SMARCA2: variants seen among roughly 807,000 people sequenced by gnomAD.
SMARCA2 encodes the protein SWI/SNF related BAF chromatin remodeling complex subunit ATPase 2.
Under a neutral mutation model 199.8 loss-of-function variants are expected in SMARCA2, and 61 were observed. The ratio of observed to expected loss-of-function variants is 0.31; its 90% confidence interval spans 0.25 to 0.38. The LOEUF (loss-of-function observed/expected upper bound fraction) is 0.38, where lower values mean the gene tolerates loss of function less well. Among genes scored for constraint, SMARCA2 ranks in the 10% least tolerant of loss-of-function variants. The probability of loss-of-function intolerance (pLI) is 1.00; values close to 1 mark genes in which losing one functional copy is unlikely to be tolerated. For missense variants in SMARCA2, 1,344 were observed against 2,012.2 expected (o/e 0.67, Z 6.35); for synonymous variants, 935 against 732.0 (o/e 1.28, Z -4.48).
At chr9:2,051,692 A>G (rs776223922) in intron 5 of SMARCA2, among the ~76,000 whole-genome samples, 2 of 152,256 alleles carry the variant, frequency 1.3e-5, no homozygotes. Flanking sequence ...CAAATAAGAA[A>G]GATCTGCAAG....
chr9:2,152,797 A>C (rs1273585916), intron 27 of SMARCA2, among the ~76,000 whole-genome samples: 1 of 152,078 alleles, frequency 6.6e-6, no homozygotes, highest in East Asian at 1.9e-4. Flanking sequence ...GGTTTCAGTG[A>C]GCCAAGATCA....
At chr9:2,133,127 C>G (rs1286605352) in intron 27 of SMARCA2, among the ~76,000 whole-genome samples, 2 of 152,284 alleles carry the variant, frequency 1.3e-5, no homozygotes, top group African/African-American at 2.4e-5. Flanking sequence ...CCATGGGAAA[C>G]TGAATTTGGC....
chr9:2,031,093 T>C (rs1349299825), intron 2 of SMARCA2, among the ~76,000 whole-genome samples: 2 of 152,212 alleles, frequency 1.3e-5, no homozygotes, highest in Non-Finnish European at 2.9e-5. Flanking sequence ...TTGGTGTTTT[T>C]TTTTGGTTAC....
chr9:2,074,472 T>C (rs189425865), intron 12 of SMARCA2, among the ~76,000 whole-genome samples: 2 of 152,192 alleles, frequency 1.3e-5, no homozygotes, highest in African/African-American at 4.8e-5. Context: ...TTCCTTCTAT[T>C]TGTGGACCTG....
intron 24 of SMARCA2, among the ~76,000 whole-genome samples, chr9:2,114,730 T>C: frequency 6.6e-6 from 1 of 152,324 alleles, no homozygotes; most frequent in Admixed American, 6.5e-5. Context: ...TTTTTTCTTA[T>C]TATTAATATA....
intron 28 of SMARCA2, among the ~76,000 whole-genome samples, chr9:2,163,724 T>A (rs1825802842): frequency 6.6e-6 from 1 of 152,182 alleles, no homozygotes; most frequent in African/African-American, 2.4e-5. Flanking sequence ...CATTACTTGC[T>A]GAGTGAGTCA....
rs542493209 is a variant in SMARCA2 at position 2,175,869 on chromosome 9, GTTTT to G, written c.4253+5402_4253+5405del. Among the ~76,000 whole-genome samples the G allele has an allele frequency of 3.4e-3, 513 of 150,242 alleles. 2 individuals carry two copies. Among genetic ancestry groups the G allele is most frequent in the African/African-American group, 0.012 (491 of 40,946 alleles). On this transcript the variant is annotated intron_variant, in intron 29 of 33. Coordinates refer to ENST00000349721, the MANE Select transcript of SMARCA2 (RefSeq NM_003070.5). ...AATTTGATATCCTCTGTTTTTTTGG[GTTTT>G]TTTTGTTTGTTTGTTTGTTTTTTGA...
At chr9:2,163,254 C>T (rs1461419232) in intron 28 of SMARCA2, among the ~76,000 whole-genome samples, 1 of 152,174 alleles carries the variant, frequency 6.6e-6, no homozygotes, top group African/African-American at 2.4e-5. Context: ...CCAGGTCTCT[C>T]AGATTTTGTG....
At chr9:2,137,405 G>T (rs577123861) in intron 27 of SMARCA2, among the ~76,000 whole-genome samples, 1 of 152,242 alleles carries the variant, frequency 6.6e-6, no homozygotes, top group South Asian at 2.1e-4. Context: ...CCAGGCCTTT[G>T]CCTGGTGCTG....
intron 8 of SMARCA2, among the ~76,000 whole-genome samples, chr9:2,059,489 A>G (rs146534795): frequency 3.5e-4 from 54 of 152,304 alleles, no homozygotes; most frequent in African/African-American, 1.2e-3. Flanking sequence ...TAGTAATTTG[A>G]TCACTAAGCA....
intron 26 of SMARCA2, among the ~76,000 whole-genome samples, chr9:2,122,979 G>C (rs1027299693): frequency 6.6e-6 from 1 of 152,204 alleles, no homozygotes; most frequent in Non-Finnish European, 1.5e-5. Context: ...TAGGCATTTT[G>C]AAGGCTCTGA....
At position 2,116,710 on chromosome 9, in the gene SMARCA2, C is replaced by T. The variant is rs972350529; in HGVS notation, c.3684+661C>T. On this transcript the variant is annotated intron_variant, in intron 25 of 33. Transcript: ENST00000349721. The stretch of plus-strand genomic sequence containing the variant: ...TGTCATTTGTATTATTTTTAGATTG[C>T]CAACGTTAGTAATTTTATAAATATT... 1.1e-4 allele frequency among the ~76,000 whole-genome samples: 16 copies of T among 152,056 alleles called. 1 individual carries two copies. Among genetic ancestry groups the T allele is most frequent in the Admixed American group, 9.2e-4 (14 of 15,262 alleles).
At chr9:2,109,695 CA>C (rs1186839239) in intron 23 of SMARCA2, among the ~76,000 whole-genome samples, 47 of 147,716 alleles carry the variant, frequency 3.2e-4, no homozygotes, top group African/African-American at 8.7e-4. Flanking sequence ...ATTCCATTTG[CA>C]AAAAAAAAAT....
chr9:2,070,367 T>G (rs1821036168), intron 9 of SMARCA2, 51 bp from the exon 10 acceptor site: 1 of 1,485,792 alleles, frequency 6.7e-7, no homozygotes, highest in Admixed American at 1.7e-5. Context: ...CAGGAAGTCC[T>G]GTACCCCATC....
At chr9:2,174,921 T>G (rs374518417) in intron 29 of SMARCA2, among the ~76,000 whole-genome samples, 1 of 47,220 alleles carries the variant, frequency 2.1e-5, no homozygotes, top group African/African-American at 1.2e-4. Flanking sequence ...TGAGACCCTC[T>G]CTCAAAAAAA....
chr9:2,053,850 C>T (rs1166466284), intron 5 of SMARCA2, among the ~76,000 whole-genome samples: 1 of 152,172 alleles, frequency 6.6e-6, no homozygotes, highest in East Asian at 1.9e-4. Context: ...TTATTTTCTA[C>T]TCTGCCTTTA....
At chr9:2,174,191 G>A (rs1429749679) in intron 29 of SMARCA2, among the ~76,000 whole-genome samples, 1 of 152,040 alleles carries the variant, frequency 6.6e-6, no homozygotes, top group African/African-American at 2.4e-5. Flanking sequence ...TCAAGCTCCA[G>A]GCCAACACCA....
At chr9:2,121,093 G>C (rs1028483781) in intron 26 of SMARCA2, among the ~76,000 whole-genome samples, 4 of 152,210 alleles carry the variant, frequency 2.6e-5, no homozygotes, top group African/African-American at 9.6e-5. Context: ...CAAGACACTG[G>C]AGAGGACAAG....
At chr9:2,158,269 G>A (rs2130743137) in intron 27 of SMARCA2, 1 of 162,768 alleles carries the variant, frequency 6.1e-6, no homozygotes, top group South Asian at 2.1e-4. Flanking sequence ...GTTTTAACTT[G>A]ACTGGGGATT....
Sources: gnomAD v4.1 joint callset for allele counts (sites outside exome capture counted in the v4.1 genomes callset) on GRCh38, gnomAD v4.1.1 for gene constraint, MANE v1.5 for transcripts, NCBI Gene and HGNC (gene_info 2026-07-23, HGNC 2026-07-21) for gene names.